Variants in DMD observed in about 807,000 individuals in gnomAD.
DMD encodes dystrophin.
In DMD, 63 loss-of-function variants were observed where a neutral mutation model predicts 330.1. That is an observed-to-expected ratio of 0.19 (90% CI 0.16 to 0.24). The LOEUF is 0.24. DMD is among the 10% of genes least tolerant of loss of function. The probability of loss-of-function intolerance (pLI) is 1.00; values close to 1 mark genes in which losing one functional copy is unlikely to be tolerated. For synonymous variants in DMD, 1,223 were observed against 959.8 expected, an observed-to-expected ratio of 1.27 and a Z score of -5.07; for missense variants, 3,344 against 2,684.1, an observed-to-expected ratio of 1.25 and a Z score of -5.43.
intron 29 of DMD, among the ~76,000 whole-genome samples, chrX:32,414,445 T>G (rs1364835267): frequency 8.9e-6 from 1 of 112,224 alleles, no homozygotes; most frequent in African/African-American, 3.2e-5. Flanking sequence ...CACATGACAT[T>G]ATGTTCTTTC....
intron 7 of DMD, among the ~76,000 whole-genome samples, chrX:32,793,001 A>AT (rs1193958458): frequency 8.9e-6 from 1 of 112,049 alleles, no homozygotes; most frequent in Non-Finnish European, 1.9e-5. Flanking sequence ...AGTCATACAC[A>AT]TTTTTTTCTC....
chrX:32,470,132 T>A (rs951828337), intron 22 of DMD, among the ~76,000 whole-genome samples: 5 of 111,613 alleles, frequency 4.5e-5, no homozygotes, highest in Non-Finnish European at 9.4e-5. Flanking sequence ...GTAATTTTTT[T>A]ACTTCTTCCT....
At chrX:31,866,499 G>T (rs894783739) in intron 48 of DMD, among the ~76,000 whole-genome samples, 1 of 111,818 alleles carries the variant, frequency 8.9e-6, no homozygotes, top group Admixed American at 9.5e-5. Flanking sequence ...ATCTTAAAAG[G>T]CTCCTCCACA....
intron 44 of DMD, among the ~76,000 whole-genome samples, chrX:32,117,455 C>G (rs1049253131): frequency 2.7e-5 from 3 of 112,098 alleles, no homozygotes; most frequent in East Asian, 5.6e-4. Flanking sequence ...GAAGGACAAG[C>G]CTCCCTAGTT....
At chrX:32,711,754 ACATCCATG>A (rs1401755738) in intron 7 of DMD, among the ~76,000 whole-genome samples, 1 of 111,812 alleles carries the variant, frequency 8.9e-6, no homozygotes, top group African/African-American at 3.2e-5. Context: ...TGTCATCCAT[ACATCCATG>A]CATCTATCCA....
rs150542559 is a variant in DMD at position 32,594,145 on chromosome X, A to G, written c.1602+1612T>C. Reference sequence around the variant, plus strand: ...ATAATAGAATTTACAGAATAAATCAATACATGCAGATATATCCTATTGGAA... The same window carrying G: ...ATAATAGAATTTACAGAATAAATCAGTACATGCAGATATATCCTATTGGAA... On this transcript the variant is annotated intron_variant, in intron 13 of 78. Transcript: ENST00000357033. Among the ~76,000 whole-genome samples, 404 of 112,520 alleles carry G rather than the reference A, an allele frequency of 3.6e-3. 8 individuals carry two copies. Among genetic ancestry groups the G allele is most frequent in the Admixed American group, 0.026 (280 of 10,596 alleles).
intron 7 of DMD, among the ~76,000 whole-genome samples, chrX:32,728,756 T>G (rs777520724): frequency 8.9e-6 from 1 of 112,154 alleles, no homozygotes; most frequent in African/African-American, 3.2e-5. Context: ...TTTGAATCTC[T>G]TGGCTTCAGT....
chrX:32,740,153 T>A (rs2148167273), intron 7 of DMD, among the ~76,000 whole-genome samples: 1 of 109,722 alleles, frequency 9.1e-6, no homozygotes, highest in Admixed American at 1.0e-4. Flanking sequence ...TCTTGCGTTC[T>A]TAAAGTTTAT....
At chrX:31,656,050 G>A (rs1185761370) in intron 54 of DMD, among the ~76,000 whole-genome samples, 1 of 112,054 alleles carries the variant, frequency 8.9e-6, no homozygotes, top group Admixed American at 9.5e-5. Flanking sequence ...TTCTCAGCTG[G>A]AATTATAGAT....
chrX:32,202,376 A>G (rs1444027010), intron 44 of DMD, among the ~76,000 whole-genome samples: 1 of 111,770 alleles, frequency 8.9e-6, no homozygotes, highest in African/African-American at 3.3e-5. Flanking sequence ...CTTTTGAGAC[A>G]GAGTCTCACT....
intron 1 of DMD, among the ~76,000 whole-genome samples, chrX:33,172,222 TC>T (rs2049388148): frequency 9.0e-6 from 1 of 110,926 alleles, no homozygotes; most frequent in Non-Finnish European, 1.9e-5. Context: ...TCTGCATAAT[TC>T]CCCGCCATAC....
intron 13 of DMD, among the ~76,000 whole-genome samples, chrX:32,594,497 T>C (rs2055295076): frequency 1.8e-5 from 2 of 111,135 alleles, no homozygotes; most frequent in African/African-American, 6.5e-5. Context: ...CTGATGATTG[T>C]TTTTCTTTTA....
Position 32,645,303 on chromosome X carries a change from A to G in DMD, c.961-151T>C, listed in dbSNP as rs1280621962. 10 of 585,746 alleles carry G rather than the reference A, an allele frequency of 1.7e-5. No individual in the cohort carries two copies. In the East Asian group the frequency reaches 3.2e-4, roughly 19 times the overall value. 48.3% of individuals were successfully genotyped at this position (585,746 alleles called of 1,213,427 possible). ...GGAACAGCAGATACAGACAATAGGG[A>G]GTTTTCATTTTAACTTCCTCATGCA... is the stretch of plus-strand genomic sequence containing the variant. On this transcript the variant is annotated intron_variant, in intron 9 of 78. Transcript: ENST00000357033.
At chrX:31,417,438 T>C (rs2061931681) in intron 60 of DMD, among the ~76,000 whole-genome samples, 1 of 108,230 alleles carries the variant, frequency 9.2e-6, no homozygotes, top group East Asian at 3.0e-4. Flanking sequence ...ACTACGGGTG[T>C]GCACCACCAC....
chrX:31,409,146 T>C (rs2061533424), intron 60 of DMD, among the ~76,000 whole-genome samples: 1 of 111,760 alleles, frequency 8.9e-6, no homozygotes. Flanking sequence ...TAGTATTCTC[T>C]GGTGTATATG....
intron 9 of DMD, among the ~76,000 whole-genome samples, chrX:32,666,128 A>T (rs2061286833): frequency 9.0e-6 from 1 of 111,381 alleles, no homozygotes; most frequent in Admixed American, 9.5e-5. Context: ...CTTAGAGTGT[A>T]TTGGACGTGG....
intron 24 of DMD, 146 bp downstream of exon 24, chrX:32,464,440 T>A (rs1482927355): frequency 2.5e-5 from 12 of 478,351 alleles, no homozygotes; most frequent in Non-Finnish European, 4.0e-5. Flanking sequence ...CCAACCCAGC[T>A]GTGACAATCA....
intron 7 of DMD, among the ~76,000 whole-genome samples, chrX:32,771,965 G>A (rs771549775): frequency 1.8e-5 from 2 of 112,038 alleles, no homozygotes; most frequent in South Asian, 7.4e-4. Context: ...AACTAAGCCA[G>A]TGATTTTGAT....
At chrX:32,569,550 C>A (rs190977781) in intron 15 of DMD, among the ~76,000 whole-genome samples, 1 of 111,539 alleles carries the variant, frequency 9.0e-6, no homozygotes, top group Non-Finnish European at 1.9e-5. Context: ...AATGTGCATT[C>A]CTAACAAATT....
Sources: allele counts gnomAD v4.1 joint callset (sites outside exome capture counted in the v4.1 genomes callset), GRCh38; gene constraint gnomAD v4.1.1; transcripts MANE v1.5; gene names NCBI Gene and HGNC (gene_info 2026-07-23, HGNC 2026-07-21).